The following CPED1 variants were observed in gnomAD, a reference collection of about 807,000 sequenced individuals.
CPED1 encodes the protein cadherin-like and PC-esterase domain-containing protein 1.
In CPED1, 114 loss-of-function variants were observed where a neutral mutation model predicts 128.2. The ratio of observed to expected loss-of-function variants is 0.89; its 90% CI spans 0.76 to 1.04. CPED1 has a LOEUF of 1.04. Ranked by LOEUF, CPED1 falls within the 50% of genes least tolerant of loss-of-function variation. The pLI is 0.00. For missense variants in CPED1, 1,211 were observed against 1,207.1 expected, an observed-to-expected ratio of 1.00 and a Z score of -0.05; for synonymous variants, 462 against 426.7, an observed-to-expected ratio of 1.08 and a Z score of -1.02.
At position 121,078,036 on chromosome 7, in the gene CPED1, GA is replaced by G. The variant is rs201638488; in HGVS notation, c.616+13724del. Among the ~76,000 whole-genome samples, 900 of 151,004 alleles carry G rather than the reference GA, an allele frequency of 6.0e-3. 11 individuals carry two copies. Among genetic ancestry groups the G allele is most frequent in the African/African-American group, 0.018 (733 of 40,796 alleles). On this transcript the variant is annotated intron_variant, in intron 5 of 22. Transcript: ENST00000310396. Reference sequence around the variant, plus strand: ...TACTTTTTACTTCATACTACTATATGATTTGTATTTTTTGTTTTGTTTTTGT... The same window carrying G: ...TACTTTTTACTTCATACTACTATATGTTTGTATTTTTTGTTTTGTTTTTGT...
intron 16 of CPED1, among the ~76,000 whole-genome samples, chr7:121,173,425 G>C (rs1271618795): frequency 6.6e-6 from 1 of 151,920 alleles, no homozygotes; most frequent in Non-Finnish European, 1.5e-5. Context: ...CTTCAAGTAG[G>C]TCCCAGTATC....
At chr7:121,054,089 A>C (rs1234248513) in intron 4 of CPED1, among the ~76,000 whole-genome samples, 1 of 152,232 alleles carries the variant, frequency 6.6e-6, no homozygotes, top group Non-Finnish European at 1.5e-5. Flanking sequence ...ATGATATTTA[A>C]AAACAAAGAT....
intron 12 of CPED1, among the ~76,000 whole-genome samples, chr7:121,131,318 G>GAT (rs1221238271): frequency 6.6e-6 from 1 of 152,104 alleles, no homozygotes; most frequent in South Asian, 2.1e-4. Flanking sequence ...TCAATACCTG[G>GAT]AAGTAGTAGG....
intron 5 of CPED1, among the ~76,000 whole-genome samples, chr7:121,074,509 G>GTTTTTTT (rs1157885862): frequency 0.036 from 2,907 of 80,652 alleles, 386 homozygotes; most frequent in African/African-American, 0.073. Context: ...TTTCCTTTGT[G>GTTTTTTT]TTTTTTTTTT....
At chr7:121,244,392 A>G in intron 18 of CPED1, 54 bp downstream of exon 18, 1 of 1,597,342 alleles carries the variant, frequency 6.3e-7, no homozygotes, top group South Asian at 1.1e-5. Context: ...CTGAAGTACT[A>G]AAAATCGTAT....
intron 16 of CPED1, among the ~76,000 whole-genome samples, chr7:121,165,747 T>A (rs1468784738): frequency 6.6e-6 from 1 of 152,186 alleles, no homozygotes; most frequent in Non-Finnish European, 1.5e-5. Flanking sequence ...TGGCATGTGT[T>A]GGGGGAGAGG....
At chr7:121,251,321 C>G (rs1392812639) in intron 18 of CPED1, among the ~76,000 whole-genome samples, 1 of 152,038 alleles carries the variant, frequency 6.6e-6, no homozygotes, top group African/African-American at 2.4e-5. Context: ...TATCTCAAAA[C>G]AATAACAGCT....
intron 7 of CPED1, among the ~76,000 whole-genome samples, chr7:121,107,486 T>C (rs1795006195): frequency 6.6e-6 from 1 of 152,106 alleles, no homozygotes; most frequent in African/African-American, 2.4e-5. Context: ...TAGCTAATAT[T>C]CAGCCGATTC....
intron 16 of CPED1, among the ~76,000 whole-genome samples, chr7:121,220,955 T>G (rs1797861529): frequency 1.3e-5 from 2 of 151,964 alleles, no homozygotes; most frequent in Non-Finnish European, 2.9e-5. Flanking sequence ...TATCTCCATA[T>G]CTTTACTCTA....
chr7:121,168,759 C>G (rs952315815), intron 16 of CPED1, among the ~76,000 whole-genome samples: 8 of 152,136 alleles, frequency 5.3e-5, no homozygotes, highest in African/African-American at 1.9e-4. Flanking sequence ...CCTTTGGTAA[C>G]CAACCTTCTA....
intron 7 of CPED1, among the ~76,000 whole-genome samples, chr7:121,113,451 GT>G (rs2116272646): frequency 6.6e-6 from 1 of 152,286 alleles, no homozygotes; most frequent in African/African-American, 2.4e-5. Flanking sequence ...AGAATGGATG[GT>G]ATTTTAGCTG....
At chr7:121,057,070 C>A (rs918600086) in intron 4 of CPED1, among the ~76,000 whole-genome samples, 1 of 151,972 alleles carries the variant, frequency 6.6e-6, no homozygotes, top group Non-Finnish European at 1.5e-5. Context: ...CTCCACCTCC[C>A]AGGTTCAAGC....
chr7:121,152,317 G>A (rs1183890623), intron 16 of CPED1, among the ~76,000 whole-genome samples: 52 of 151,982 alleles, frequency 3.4e-4, no homozygotes, highest in Admixed American at 3.4e-3. Context: ...TATTGCATGT[G>A]GGCTTCTTGA....
chr7:121,244,236 C>A lies in CPED1; in HGVS notation c.2208C>A (p.Asp736Glu). The change falls in exon 18 of 23, where the codon GAC (aspartate) becomes GAA (glutamate). Residue 736 changes from aspartate (D) to glutamate (E), a missense_variant. Asp to Glu is a conservative substitution (Grantham distance 45, BLOSUM62 2). Coordinates refer to ENST00000310396, the MANE Select transcript of CPED1 (RefSeq NM_024913.5). The part of the protein sequence containing the change: ...QWIVPCLSCS[D>E]NRTCDWREIT... ...TTGTGCCTTGCCTTAGTTGTTCGGA[C>A]AACAGGACGTGTGACTGGAGAGAAA... 1 of 1,614,118 alleles carries A rather than the reference C, an allele frequency of 6.2e-7. No individual in the cohort carries two copies. The highest frequency in any genetic ancestry group is 2.2e-5 in the East Asian group (1 of 44,870).
chr7:121,285,106 C>T (rs545934401), intron 22 of CPED1, among the ~76,000 whole-genome samples: 8 of 152,176 alleles, frequency 5.3e-5, no homozygotes, highest in Non-Finnish European at 8.8e-5. Context: ...TCTGTACACC[C>T]GCAGGTCCAA....
intron 5 of CPED1, among the ~76,000 whole-genome samples, chr7:121,079,609 C>A (rs1004310870): frequency 6.6e-6 from 1 of 152,228 alleles, no homozygotes; most frequent in Non-Finnish European, 1.5e-5. Flanking sequence ...TAGCTTTATA[C>A]TTTGCTTTGG....
intron 16 of CPED1, among the ~76,000 whole-genome samples, chr7:121,193,673 A>T (rs147406055): frequency 5.3e-5 from 8 of 152,248 alleles, no homozygotes; most frequent in African/African-American, 1.9e-4. Flanking sequence ...ATGTGTTAGT[A>T]GGTGCAGAGC....
chr7:121,068,309 A>C (rs1793900723), intron 5 of CPED1, among the ~76,000 whole-genome samples: 1 of 152,148 alleles, frequency 6.6e-6, no homozygotes, highest in Non-Finnish European at 1.5e-5. Context: ...TAAGGAAGGG[A>C]TCCAGTTTCA....
chr7:121,104,535 CTA>C (rs1794925245), intron 7 of CPED1, among the ~76,000 whole-genome samples: 2 of 152,226 alleles, frequency 1.3e-5, no homozygotes, highest in South Asian at 4.1e-4. Flanking sequence ...CCATATTTGA[CTA>C]TTTTTATGAA....
Sources: gnomAD v4.1 joint callset for allele counts (sites outside exome capture counted in the v4.1 genomes callset) on GRCh38, gnomAD v4.1.1 for gene constraint, MANE v1.5 for transcripts, NCBI Gene and HGNC (gene_info 2026-07-23, HGNC 2026-07-21) for gene names.